LRRC8D: variants seen among roughly 807,000 people sequenced by gnomAD.
LRRC8D encodes volume-regulated anion channel subunit LRRC8D.
LRRC8D carries 20 observed loss-of-function variants against 55.8 expected under a neutral mutation model. The observed-to-expected ratio is 0.36, with a 90% CI of 0.25 to 0.52. The LOEUF is 0.52. Ranked by LOEUF, LRRC8D falls within the 20% of genes least tolerant of loss-of-function variation. The pLI is 0.93. For missense variants in LRRC8D, 651 were observed against 1,030.8 expected (o/e 0.63, Z 5.05); for synonymous variants, 352 against 377.0 (o/e 0.93, Z 0.77).
At chr1:89,891,292 A>T (rs573340078) in intron 2 of LRRC8D, among the ~76,000 whole-genome samples, 11 of 152,282 alleles carry the variant, frequency 7.2e-5, no homozygotes, top group Admixed American at 4.6e-4. Flanking sequence ...GATTGGGGTT[A>T]TGCATTTTTG....
At chr1:89,883,898 T>C (rs1470798140) in intron 2 of LRRC8D, among the ~76,000 whole-genome samples, 1 of 152,206 alleles carries the variant, frequency 6.6e-6, no homozygotes, top group Admixed American at 6.5e-5. Context: ...TTAGAAAAGC[T>C]GGGTGCTTTC....
At chr1:89,845,588 C>T (rs2100751455) in intron 2 of LRRC8D, among the ~76,000 whole-genome samples, 1 of 152,182 alleles carries the variant, frequency 6.6e-6, no homozygotes, top group East Asian at 1.9e-4. Flanking sequence ...AGGTGCACGC[C>T]ACCACACCCA....
intron 2 of LRRC8D, among the ~76,000 whole-genome samples, chr1:89,932,791 C>T (rs1557489961): frequency 1.3e-5 from 2 of 152,214 alleles, no homozygotes; most frequent in Admixed American, 1.3e-4. Flanking sequence ...TCATACCCTC[C>T]TTCAAGGTCC....
chr1:89,844,394 C>G (rs1308631966), intron 2 of LRRC8D, among the ~76,000 whole-genome samples: 2 of 152,166 alleles, frequency 1.3e-5, no homozygotes, highest in Non-Finnish European at 2.9e-5. Context: ...ATTAATGATG[C>G]AGGCACACAC....
intron 2 of LRRC8D, among the ~76,000 whole-genome samples, chr1:89,896,235 G>C (rs778449561): frequency 1.1e-4 from 17 of 152,172 alleles, no homozygotes; most frequent in Admixed American, 3.3e-4. Flanking sequence ...GAGGGTAGAG[G>C]GGTGGATGAA....
intron 2 of LRRC8D, among the ~76,000 whole-genome samples, chr1:89,891,966 G>C (rs1409330090): frequency 6.6e-6 from 1 of 152,036 alleles, no homozygotes; most frequent in Non-Finnish European, 1.5e-5. Context: ...TCTTATCTCT[G>C]TATCTCCGGT....
intron 2 of LRRC8D, among the ~76,000 whole-genome samples, chr1:89,871,413 G>C (rs945556187): frequency 6.6e-6 from 1 of 152,180 alleles, no homozygotes; most frequent in Non-Finnish European, 1.5e-5. Flanking sequence ...CCTGCGCATA[G>C]CGTTCTTTTG....
chr1:89,887,903 A>C (rs1407183448), intron 2 of LRRC8D, among the ~76,000 whole-genome samples: 2 of 152,316 alleles, frequency 1.3e-5, no homozygotes, highest in African/African-American at 4.8e-5. Context: ...ACAGGGTGGG[A>C]GGTTTCTTAG....
At chr1:89,833,118 C>T (rs919695535) in intron 1 of LRRC8D, among the ~76,000 whole-genome samples, 17 of 152,186 alleles carry the variant, frequency 1.1e-4, no homozygotes, top group African/African-American at 4.1e-4. Flanking sequence ...ACAACAACGA[C>T]GAACATAAAT....
intron 1 of LRRC8D, among the ~76,000 whole-genome samples, chr1:89,832,977 C>A (rs1660922075): frequency 6.6e-6 from 1 of 152,196 alleles, no homozygotes; most frequent in African/African-American, 2.4e-5. Context: ...TCTAGTCTGG[C>A]TGCTCCTCCC....
Position 89,843,743 on chromosome 1 carries a change from A to C in LRRC8D, c.-42A>C, listed in dbSNP as rs947944278. ...CGGAGCTCGCCCAAGCCGCGTCCCC[A>C]GAGAGCGCCCTGAGAGAACAGGGTG... On this transcript the variant is annotated 5_prime_UTR_variant, in exon 2 of 3. Transcript: ENST00000337338. 7.1e-6 allele frequency: 5 copies of C among 701,014 alleles called. No individual in the cohort carries two copies. The Admixed American group carries it at 8.0e-5, about 11-fold the overall frequency. 43.4% of individuals were successfully genotyped at this position (701,014 alleles called of 1,614,324 possible). A position where few individuals can be genotyped will look rare whatever the true frequency, so the allele number is the denominator to read the frequency against.
chr1:89,907,709 C>T (rs1663031560), intron 2 of LRRC8D, among the ~76,000 whole-genome samples: 1 of 152,186 alleles, frequency 6.6e-6, no homozygotes, highest in African/African-American at 2.4e-5. Flanking sequence ...TCATTTCCTA[C>T]TTTGTGACCC....
Position 89,928,205 on chromosome 1 carries a change from G to A in LRRC8D, c.-2-4862G>A, listed in dbSNP as rs150771855. Among the ~76,000 whole-genome samples the A allele has an allele frequency of 1.0e-3, 157 of 152,238 alleles. No homozygotes were observed. The East Asian group carries it at 0.027, about 26-fold the overall frequency. Reference sequence around the variant, plus strand: ...CCTGCCTCAGCCTCCTGAGTAGCTGGGATTACAGGCGCCTGGCACCAAGCC... The same window carrying A: ...CCTGCCTCAGCCTCCTGAGTAGCTGAGATTACAGGCGCCTGGCACCAAGCC... On this transcript the variant is annotated intron_variant, in intron 2 of 2. Transcript: ENST00000337338.
intron 2 of LRRC8D, among the ~76,000 whole-genome samples, chr1:89,876,659 G>A (rs370446909): frequency 2.6e-5 from 4 of 152,292 alleles, no homozygotes; most frequent in South Asian, 2.1e-4. Context: ...TTAGTTAACC[G>A]TGGTCTACAG....
chr1:89,878,383 T>C (rs1017269436), intron 2 of LRRC8D, among the ~76,000 whole-genome samples: 3 of 152,214 alleles, frequency 2.0e-5, no homozygotes, highest in Non-Finnish European at 2.9e-5. Context: ...CACCTGTTGA[T>C]CAGTACATAA....
intron 2 of LRRC8D, among the ~76,000 whole-genome samples, chr1:89,915,922 AG>A (rs1428941955): frequency 3.3e-5 from 5 of 152,252 alleles, no homozygotes; most frequent in African/African-American, 1.2e-4. Context: ...ATCTAAAATA[AG>A]TAACAACATA....
intron 2 of LRRC8D, among the ~76,000 whole-genome samples, chr1:89,846,211 A>G (rs569562773): frequency 2.6e-5 from 4 of 152,206 alleles, no homozygotes; most frequent in Admixed American, 6.5e-5. Flanking sequence ...CAAATCTCCC[A>G]TTTAAGAACA....
chr1:89,856,027 A>G (rs974599120), intron 2 of LRRC8D, among the ~76,000 whole-genome samples: 1 of 151,894 alleles, frequency 6.6e-6, no homozygotes, highest in African/African-American at 2.4e-5. Flanking sequence ...TACCTTTGGC[A>G]TATTTGAAAT....
chr1:89,887,080 A>G (rs1413443111), intron 2 of LRRC8D, among the ~76,000 whole-genome samples: 1 of 152,212 alleles, frequency 6.6e-6, no homozygotes, highest in East Asian at 1.9e-4. Flanking sequence ...ATGTGGGAGA[A>G]TAAATGATTA....
Sources: allele counts gnomAD v4.1 joint callset (sites outside exome capture counted in the v4.1 genomes callset), GRCh38; gene constraint gnomAD v4.1.1; transcripts MANE v1.5; gene names NCBI Gene and HGNC (gene_info 2026-07-23, HGNC 2026-07-21).